Variants in CLCA1 observed in about 807,000 individuals in gnomAD.
CLCA1 encodes the protein calcium-activated chloride channel regulator 1.
Under a neutral mutation model 85.6 loss-of-function variants are expected in CLCA1, and 59 were observed. The observed-to-expected ratio is 0.69, with a 90% CI of 0.56 to 0.86. The LOEUF (loss-of-function observed/expected upper bound fraction) is 0.86, where lower values mean the gene tolerates loss of function less well. Ranked by LOEUF, CLCA1 falls within the 40% of genes least tolerant of loss-of-function variation. The pLI, the probability that CLCA1 is intolerant of heterozygous loss-of-function variation, is 0.00. For synonymous variants in CLCA1, 396 were observed against 398.3 expected (o/e 0.99, Z 0.07); for missense variants, 1,022 against 1,101.4 (o/e 0.93, Z 1.02).
chr1:86,486,686 C>T lies in CLCA1; in HGVS notation c.1115C>T (p.Ala372Val). 6.2e-7 allele frequency: 1 copy of T among 1,614,116 alleles called. No individual in the cohort carries two copies. Among genetic ancestry groups the T allele is most frequent in the East Asian group, 2.2e-5 (1 of 44,886 alleles). Residue 372 changes from alanine to valine, a missense_variant, in exon 7 of 14, where the codon GCC (alanine) becomes GTC (valine). Coordinates refer to ENST00000394711, the MANE Select transcript of CLCA1 (RefSeq NM_001285.4). ...INSGSDRDTL[A>V]KRLPAAASGG... is the part of the protein sequence containing the mutation. ...AGTGGCAGTGACAGGGACACACTCG[C>T]CAAAAGATTACCTGCAGCAGCTTCA...
In CLCA1 at chr1:86,476,349, C is replaced by G. The variant is rs1213126564; in HGVS notation, c.452-99C>G. 3 of 613,360 alleles carry G rather than the reference C, an allele frequency of 4.9e-6. No homozygotes were observed. In the East Asian group the frequency reaches 8.2e-5, roughly 17 times the overall value. 38.0% of individuals were successfully genotyped at this position (613,360 alleles called of 1,614,324 possible). A position where few individuals can be genotyped will look rare whatever the true frequency, so the allele number is the denominator to read the frequency against. On this transcript the variant is annotated intron_variant, in intron 3 of 13. Coordinates refer to ENST00000394711, the MANE Select transcript of CLCA1 (RefSeq NM_001285.4). ...AAGTCTTTAATTTAAAAAATTAACA[C>G]AGCAAAGCATAAATATTCCAAACAT...
chr1:86,487,566 C>T (rs1448684353), intron 7 of CLCA1, among the ~76,000 whole-genome samples: 2 of 152,130 alleles, frequency 1.3e-5, no homozygotes, highest in Non-Finnish European at 2.9e-5. Context: ...CCCTGCTAGT[C>T]CCTGCTGCAG....
At chr1:86,486,051 G>A (rs1647958444) in intron 6 of CLCA1, among the ~76,000 whole-genome samples, 1 of 117,042 alleles carries the variant, frequency 8.5e-6, no homozygotes, top group South Asian at 3.6e-4. Context: ...AGTGCGCAAT[G>A]TGGGAAGAGC....
chr1:86,489,008 A>G lies in CLCA1; in HGVS notation c.1195A>G (p.Lys399Glu), dbSNP rs1469959057. The change falls in exon 8 of 14, where the codon AAA becomes GAA. Residue 399 changes from lysine (K) to glutamate (E), a missense_variant. Lys to Glu is a moderately conservative substitution (Grantham distance 56). Coordinates refer to ENST00000394711, the MANE Select transcript of CLCA1 (RefSeq NM_001285.4). ...ATTCTGTCCTTAGGTGATTAGGAAG[A>G]AATATCCAACTGATGGATCTGAAAT... ...LRSAFTVIRK[K>E]YPTDGSEIVL... 5.0e-6 allele frequency: 8 copies of G among 1,613,872 alleles called. No individual in the cohort carries two copies. In the East Asian group the frequency reaches 1.6e-4, roughly 31 times the overall value.
intron 5 of CLCA1, among the ~76,000 whole-genome samples, chr1:86,483,703 G>C (rs1461172972): frequency 1.3e-5 from 2 of 152,154 alleles, no homozygotes; most frequent in African/African-American, 4.8e-5. Flanking sequence ...CAGGTGCAGA[G>C]AGGTTAAGGT....
chr1:86,491,165 C>A, intron 8 of CLCA1, 100 bp from the exon 9 acceptor site: 1 of 728,158 alleles, frequency 1.4e-6, no homozygotes, highest in Non-Finnish European at 2.3e-6. Context: ...TTTAATAACA[C>A]AAAGGGATAT....
At chr1:86,495,945 A>T (rs1038561948) in intron 12 of CLCA1, among the ~76,000 whole-genome samples, 1 of 152,226 alleles carries the variant, frequency 6.6e-6, no homozygotes, top group African/African-American at 2.4e-5. Context: ...GTGGTCCACT[A>T]ACCCTTAGGG....
At chr1:86,487,922 G>A (rs1394647069) in intron 7 of CLCA1, among the ~76,000 whole-genome samples, 4 of 152,170 alleles carry the variant, frequency 2.6e-5, no homozygotes, top group Non-Finnish European at 5.9e-5. Flanking sequence ...TCCAAATTGG[G>A]CCTCTCTGGC....
In CLCA1 at chr1:86,499,651, T is replaced by C. The variant is rs111405664; in HGVS notation, c.2354-3T>C. 1 of 1,527,916 alleles carries C rather than the reference T, an allele frequency of 6.5e-7. No homozygotes were observed. Among genetic ancestry groups the C allele is most frequent in the South Asian group, 1.2e-5 (1 of 83,018 alleles). 94.6% of individuals were successfully genotyped at this position (1,527,916 alleles called of 1,614,324 possible). On this transcript the variant is annotated splice_polypyrimidine_tract_variant and splice_region_variant and intron_variant, in intron 13 of 13. Coordinates refer to ENST00000394711, the MANE Select transcript of CLCA1 (RefSeq NM_001285.4). ...AAGTCACATTCTTCTTTTTTCTTTT[T>C]AGCTCACAAGTATATCATTCGAATA...
chr1:86,494,205 A>G lies in CLCA1; in HGVS notation c.1699A>G (p.Ser567Gly). Residue 567 changes from serine (S) to glycine (G), a missense_variant, in exon 11 of 14, where the codon AGT becomes GGT. Transcript: ENST00000394711. Reference protein sequence around the residue: ...GIAKVGTWKYSLQASSQTLTL... With the variant: ...GIAKVGTWKYGLQASSQTLTL... ...TGGTCAGGTTGGCACTTGGAAATACAGTCTGCAAGCAAGCTCACAAACCTT... is the reference window on the plus strand; with the variant it reads ...TGGTCAGGTTGGCACTTGGAAATACGGTCTGCAAGCAAGCTCACAAACCTT... 1 of 1,614,232 alleles carries G rather than the reference A, an allele frequency of 6.2e-7. No individual in the cohort carries two copies. The highest frequency in any genetic ancestry group is 8.5e-7 in the Non-Finnish European group (1 of 1,180,018).
chr1:86,498,684 C>T lies in CLCA1; in HGVS notation c.2226C>T (p.Val742=). The change falls in exon 13 of 14, where the codon GTC becomes GTT. Residue 742 remains valine, a synonymous_variant. Transcript: ENST00000394711. ...GAGGCTCATTTGTGGCTTCTGATGTCCCAAATGCTCCCATACCTGATCTCT... is the reference window on the plus strand; with the variant it reads ...GAGGCTCATTTGTGGCTTCTGATGTTCCAAATGCTCCCATACCTGATCTCT... ...SSGGSFVASD[V]PNAPIPDLFP... is the part of the protein sequence containing the mutation. 1 of 1,614,046 alleles carries T rather than the reference C, an allele frequency of 6.2e-7. No individual in the cohort carries two copies. Among genetic ancestry groups the T allele is most frequent in the South Asian group, 1.1e-5 (1 of 91,064 alleles).
chr1:86,493,704 T>C lies in CLCA1; in HGVS notation c.1680+105T>C, dbSNP rs1433123863. 3 of 851,790 alleles carry C rather than the reference T, an allele frequency of 3.5e-6. No homozygotes were observed. The East Asian group carries it at 8.0e-5, about 23-fold the overall frequency. The allele number at this position is 851,790 out of a possible 1,614,324, so 52.8% of individuals were successfully genotyped here. The stretch of plus-strand genomic sequence containing the variant: ...ATGTTGGTGGTTGCTAAAAGGAGAG[T>C]CAGTATTGAATCAAAGAGAGAACGA... On this transcript the variant is annotated intron_variant, in intron 10 of 13. Transcript: ENST00000394711.
rs1882753 is a variant in CLCA1, at chr1:86,499,736, T to C, written c.2436T>C (p.Thr812=). ...KFNESLQVNT[T]ALIPKEANSE... ...ATGAATCTCTTCAAGTGAATACTAC[T>C]GCTCTCATCCCAAAGGAAGCCAACT... Residue 812 remains threonine (T), a synonymous_variant, in exon 14 of 14, where the codon ACT becomes ACC. Coordinates refer to ENST00000394711, the MANE Select transcript of CLCA1 (RefSeq NM_001285.4). 0.28 allele frequency: 445,509 copies of C among 1,607,498 alleles called. 64,776 individuals are homozygous for C. The highest frequency in any genetic ancestry group is 0.51 in the East Asian group (22,951 of 44,820).
chr1:86,469,080 G>A lies in CLCA1; in HGVS notation c.109G>A (p.Val37Ile), dbSNP rs760273429. 43 of 1,611,934 alleles carry A rather than the reference G, an allele frequency of 2.7e-5. No individual in the cohort carries two copies. The South Asian group carries it at 3.2e-4, about 12-fold the overall frequency. Residue 37 changes from valine to isoleucine, a missense_variant, in exon 1 of 14, where the codon GTT becomes ATT. By Grantham distance (29) the Val-to-Ile change is conservative. Coordinates refer to ENST00000394711, the MANE Select transcript of CLCA1 (RefSeq NM_001285.4). ...CAACAATGGCTATGAAGGCATTGTCGTTGCAATCGACCCCAATGTGCCAGA... is the reference window on the plus strand; with the variant it reads ...CAACAATGGCTATGAAGGCATTGTCATTGCAATCGACCCCAATGTGCCAGA... ...LNNNGYEGIV[V>I]AIDPNVPEDE...
At position 86,500,022 on chromosome 1, in the gene CLCA1, G is replaced by T. The variant is rs369436125; in HGVS notation, c.2722G>T (p.Glu908Ter). ...AAAAATTATGTGGAAGTGGATAGGA[G>T]AACTGCAGCTGTCAATAGCCTAGGG... Reference protein sequence around the residue: ...ILKIMWKWIGELQLSIA With the variant: ...ILKIMWKWIG Residue 908 changes from glutamate (E) to a stop codon, truncating the protein, a stop_gained, in exon 14 of 14, where the codon GAA becomes TAA. Transcript: ENST00000394711. LOFTEE classifies it high-confidence loss of function. The T allele has an allele frequency of 9.9e-6, 16 of 1,610,894 alleles. No individual in the cohort carries two copies. The highest frequency in any genetic ancestry group is 1.4e-5 in the Non-Finnish European group (16 of 1,177,204).
chr1:86,496,921 G>A (rs1232199677), intron 12 of CLCA1, among the ~76,000 whole-genome samples: 1 of 152,090 alleles, frequency 6.6e-6, no homozygotes, highest in Non-Finnish European at 1.5e-5. Context: ...GTAGAGACAG[G>A]GTTTCACCAT....
chr1:86,473,431 G>T lies in CLCA1; in HGVS notation c.177G>T (p.Gln59His), dbSNP rs775277669. 1.3e-6 allele frequency: 2 copies of T among 1,585,862 alleles called. No homozygotes were observed. Among genetic ancestry groups the T allele is most frequent in the Non-Finnish European group, 1.7e-6 (2 of 1,161,476 alleles). The change falls in exon 2 of 14, where the codon CAG (glutamine) becomes CAT (histidine). Residue 59 changes from glutamine to histidine, a missense_variant. Gln to His is a conservative substitution (Grantham distance 24). Transcript: ENST00000394711. ...LIQQIKDMVT[Q>H]ASLYLLEATG... ...TTTCTTCCCAGGACATGGTGACCCA[G>T]GCATCTCTGTATCTGCTTGAAGCTA...
rs1648264346 is a variant in CLCA1, at chr1:86,495,653, C to G, written c.2091C>G (p.Tyr697Ter). ...TACCCCAGCAGAGTGGAGCACTGTA[C>G]ATACCTGGCTGGATTGAGAATGGTA... The part of the protein sequence containing the change: ...RVIPQQSGAL[Y>*]IPGWIENDEI... Residue 697 changes from tyrosine to a stop codon, truncating the protein, a stop_gained, in exon 12 of 14, where the codon TAC becomes TAG. Coordinates refer to ENST00000394711, the MANE Select transcript of CLCA1 (RefSeq NM_001285.4). LOFTEE classifies it high-confidence loss of function. The G allele has an allele frequency of 6.2e-7, 1 of 1,612,362 alleles. No individual in the cohort carries two copies. The highest frequency in any genetic ancestry group is 1.3e-5 in the African/African-American group (1 of 74,846).
intron 7 of CLCA1, 40 bp downstream of exon 7, chr1:86,486,793 A>G: frequency 6.4e-7 from 1 of 1,571,590 alleles, no homozygotes; most frequent in Non-Finnish European, 8.8e-7. Flanking sequence ...AATGTTTGCA[A>G]TTTATGTTGC....
Sources: allele counts gnomAD v4.1 joint callset (sites outside exome capture counted in the v4.1 genomes callset), GRCh38; gene constraint gnomAD v4.1.1; transcripts MANE v1.5; gene names NCBI Gene and HGNC (gene_info 2026-07-23, HGNC 2026-07-21).